The following ATXN1 variants were observed in gnomAD, a reference collection of about 807,000 sequenced individuals.
ATXN1 encodes ataxin 1.
A neutral mutation model predicts 56.4 loss-of-function variants in ATXN1; 8 were observed. The ratio of observed to expected loss-of-function variants is 0.14; its 90% CI spans 0.08 to 0.26. The LOEUF is 0.26. Ranked by LOEUF, ATXN1 falls within the 10% of genes least tolerant of loss-of-function variation. The pLI, the probability that ATXN1 is intolerant of heterozygous loss-of-function variation, is 1.00. For synonymous variants in ATXN1, 514 were observed against 494.6 expected (o/e 1.04, Z -0.52); for missense variants, 987 against 1,106.5 (o/e 0.89, Z 1.53).
At chr6:16,524,850 C>G (rs1165417518) in intron 4 of ATXN1, among the ~76,000 whole-genome samples, 1 of 152,102 alleles carries the variant, frequency 6.6e-6, no homozygotes, top group East Asian at 1.9e-4. Flanking sequence ...GTCAGGAGTT[C>G]AAGACCAGCC....
At chr6:16,343,748 T>TA (rs1206538841) in intron 6 of ATXN1, among the ~76,000 whole-genome samples, 1 of 152,150 alleles carries the variant, frequency 6.6e-6, no homozygotes, top group African/African-American at 2.4e-5. Context: ...GGCCACCTAG[T>TA]AAATCGTGTG....
chr6:16,602,217 C>T (rs1192941112), intron 3 of ATXN1, among the ~76,000 whole-genome samples: 1 of 152,088 alleles, frequency 6.6e-6, no homozygotes, highest in African/African-American at 2.4e-5. Flanking sequence ...AGGTGCCTCC[C>T]CATTGGGCCC....
At chr6:16,566,583 G>C (rs1482236924) in intron 4 of ATXN1, among the ~76,000 whole-genome samples, 6 of 152,092 alleles carry the variant, frequency 3.9e-5, no homozygotes, top group African/African-American at 7.2e-5. Context: ...GCTGGGCGCG[G>C]TGGCTCACGA....
chr6:16,662,187 G>C (rs1758333247), intron 2 of ATXN1, among the ~76,000 whole-genome samples: 1 of 152,122 alleles, frequency 6.6e-6, no homozygotes, highest in Non-Finnish European at 1.5e-5. Context: ...CAGAAACCAG[G>C]TTCTTAATCC....
intron 5 of ATXN1, among the ~76,000 whole-genome samples, chr6:16,512,708 C>G (rs1339995861): frequency 1.3e-5 from 2 of 152,146 alleles, no homozygotes; most frequent in Admixed American, 6.5e-5. Context: ...TTTCAGACAC[C>G]AACAGCAACA....
At chr6:16,736,667 T>A (rs1452534873) in intron 2 of ATXN1, among the ~76,000 whole-genome samples, 1 of 152,238 alleles carries the variant, frequency 6.6e-6, no homozygotes, top group Admixed American at 6.5e-5. Context: ...TGCACGTATA[T>A]CGCAAAGTGT....
At chr6:16,399,685 T>C (rs958750719) in intron 6 of ATXN1, among the ~76,000 whole-genome samples, 5 of 152,168 alleles carry the variant, frequency 3.3e-5, no homozygotes, top group Non-Finnish European at 7.3e-5. Context: ...GAGGACATTT[T>C]TGATTGTCAC....
At chr6:16,507,595 T>A (rs552491052) in intron 5 of ATXN1, among the ~76,000 whole-genome samples, 1 of 152,328 alleles carries the variant, frequency 6.6e-6, no homozygotes, top group South Asian at 2.1e-4. Context: ...GTAATTTTTC[T>A]CCAAAGAAAG....
At chr6:16,687,239 G>A (rs1363230846) in intron 2 of ATXN1, among the ~76,000 whole-genome samples, 6 of 152,188 alleles carry the variant, frequency 3.9e-5, no homozygotes, top group South Asian at 2.1e-4. Flanking sequence ...TTCGACTTTC[G>A]TGATGAGAAA....
intron 3 of ATXN1, among the ~76,000 whole-genome samples, chr6:16,620,433 A>G (rs745765360): frequency 1.3e-5 from 2 of 152,024 alleles, no homozygotes; most frequent in South Asian, 2.1e-4. Flanking sequence ...TCTTTTTTCA[A>G]CATCTCTGGT....
At chr6:16,713,543 G>A (rs1759570666) in intron 2 of ATXN1, among the ~76,000 whole-genome samples, 1 of 152,174 alleles carries the variant, frequency 6.6e-6, no homozygotes, top group Admixed American at 6.5e-5. Context: ...ATTCCAGACA[G>A]GGAAAGAATC....
At chr6:16,580,584 TG>T (rs1762510925) in intron 4 of ATXN1, among the ~76,000 whole-genome samples, 1 of 152,216 alleles carries the variant, frequency 6.6e-6, no homozygotes, top group Non-Finnish European at 1.5e-5. Context: ...ACACAGATGA[TG>T]GAATAGTCTA....
At chr6:16,415,794 A>C (rs546462359) in intron 6 of ATXN1, among the ~76,000 whole-genome samples, 1 of 152,344 alleles carries the variant, frequency 6.6e-6, no homozygotes, top group Admixed American at 6.5e-5. Flanking sequence ...TTATAGCAAA[A>C]ACAAATGCTC....
At chr6:16,665,187 G>A (rs1450686840) in intron 2 of ATXN1, among the ~76,000 whole-genome samples, 2 of 152,178 alleles carry the variant, frequency 1.3e-5, no homozygotes, top group South Asian at 2.1e-4. Context: ...AACTCAATAA[G>A]TGGTAGTTTC....
intron 6 of ATXN1, among the ~76,000 whole-genome samples, chr6:16,452,768 T>C (rs541876449): frequency 6.6e-6 from 1 of 152,382 alleles, no homozygotes; most frequent in South Asian, 2.1e-4. Context: ...CAACAAGTTT[T>C]ATAATAGCAG....
At chr6:16,365,055 C>CATAT (rs34627413) in intron 6 of ATXN1, among the ~76,000 whole-genome samples, 1,919 of 150,196 alleles carry the variant, frequency 0.013, 14 homozygotes, top group Middle Eastern at 0.02. Flanking sequence ...TTTCTTTTTT[C>CATAT]ATATATATAT....
intron 3 of ATXN1, among the ~76,000 whole-genome samples, chr6:16,639,343 A>G (rs1763661979): frequency 6.6e-6 from 1 of 152,192 alleles, no homozygotes; most frequent in South Asian, 2.1e-4. Context: ...TGAAGTCAGC[A>G]AGACCACAAA....
chr6:16,680,243 T>G (rs1347533113), intron 2 of ATXN1, among the ~76,000 whole-genome samples: 2 of 152,172 alleles, frequency 1.3e-5, no homozygotes, highest in East Asian at 3.8e-4. Flanking sequence ...TTGGCCTGTG[T>G]AGAGGGTCAG....
chr6:16,532,883 T>C (rs1431892386), intron 4 of ATXN1, among the ~76,000 whole-genome samples: 6 of 152,266 alleles, frequency 3.9e-5, no homozygotes, highest in South Asian at 4.1e-4. Flanking sequence ...CACTTCTAGG[T>C]ATATACCCAA....
Sources: gnomAD v4.1 joint callset for allele counts (sites outside exome capture counted in the v4.1 genomes callset) on GRCh38, gnomAD v4.1.1 for gene constraint, MANE v1.5 for transcripts, NCBI Gene and HGNC (gene_info 2026-07-23, HGNC 2026-07-21) for gene names.